L3MBTL3: variants seen among roughly 807,000 people sequenced by gnomAD.
L3MBTL3 encodes the protein L3MBTL histone methyl-lysine binding protein 3, also known as lethal(3)malignant brain tumor-like protein 3.
A neutral mutation model predicts 102.3 loss-of-function variants in L3MBTL3; 27 were observed. The observed-to-expected ratio is 0.26, with a 90% CI of 0.19 to 0.36. The LOEUF is 0.36. Ranked by LOEUF, L3MBTL3 falls within the 10% of genes least tolerant of loss-of-function variation. The probability of loss-of-function intolerance (pLI) is 1.00; values close to 1 mark genes in which losing one functional copy is unlikely to be tolerated. For missense variants in L3MBTL3, 798 were observed against 955.3 expected (o/e 0.84, Z 2.17); for synonymous variants, 340 against 320.9 (o/e 1.06, Z -0.64).
intron 10 of L3MBTL3, among the ~76,000 whole-genome samples, chr6:130,061,974 C>T (rs561265318): frequency 3.6e-4 from 55 of 152,158 alleles, no homozygotes; most frequent in Middle Eastern, 6.8e-3. Flanking sequence ...TTGTGTCTTG[C>T]GCCATGGCAA....
At chr6:130,060,715 T>G (rs1781837029) in intron 10 of L3MBTL3, among the ~76,000 whole-genome samples, 1 of 151,682 alleles carries the variant, frequency 6.6e-6, no homozygotes, top group South Asian at 2.1e-4. Context: ...TTTTTTTTTT[T>G]AGTATTTTAA....
chr6:130,071,057 A>G lies in L3MBTL3; in HGVS notation c.1174A>G (p.Thr392Ala), dbSNP rs1451764117. The stretch of plus-strand genomic sequence containing the variant: ...GAATCCCTCATTCATCTGTGTTGCT[A>G]CGGTAACAGATATGGTGGACAATCG... ...KKNPSFICVA[T>A]VTDMVDNRFL... Residue 392 changes from threonine to alanine, a missense_variant, in exon 13 of 23, where the codon ACG becomes GCG. Thr to Ala is a moderately conservative substitution (Grantham distance 58). Around this residue, in one of 4 missense-constraint regions of L3MBTL3, gnomAD observed 434 missense variants for 506.6 expected, o/e 0.86. Coordinates refer to ENST00000361794, the MANE Select transcript of L3MBTL3 (RefSeq NM_032438.4). The G allele has an allele frequency of 2.5e-6, 4 of 1,613,274 alleles. No individual in the cohort carries two copies. In the East Asian group the frequency reaches 6.7e-5, roughly 27 times the overall value.
At chr6:130,135,560 T>C (rs1787558665) in intron 22 of L3MBTL3, among the ~76,000 whole-genome samples, 1 of 152,244 alleles carries the variant, frequency 6.6e-6, no homozygotes, top group South Asian at 2.1e-4. Flanking sequence ...TGCTCTATTA[T>C]TCAGTTTGAG....
intron 10 of L3MBTL3, among the ~76,000 whole-genome samples, chr6:130,062,375 C>T (rs972586424): frequency 4.6e-5 from 7 of 151,276 alleles, no homozygotes; most frequent in East Asian, 1.9e-4. Context: ...AACACACGCG[C>T]GCACACACAC....
intron 3 of L3MBTL3, among the ~76,000 whole-genome samples, chr6:130,045,684 G>A (rs1238611703): frequency 6.6e-6 from 1 of 152,118 alleles, no homozygotes; most frequent in Non-Finnish European, 1.5e-5. Flanking sequence ...AAATTTTACA[G>A]GAATTTAGAG....
At chr6:130,025,310 G>A (rs897682098) in intron 2 of L3MBTL3, among the ~76,000 whole-genome samples, 3 of 152,254 alleles carry the variant, frequency 2.0e-5, no homozygotes, top group East Asian at 1.9e-4. Flanking sequence ...TTTCTAAAGG[G>A]CTTCATTATC....
intron 16 of L3MBTL3, among the ~76,000 whole-genome samples, chr6:130,092,333 T>C (rs1324728898): frequency 1.3e-5 from 2 of 152,080 alleles, no homozygotes; most frequent in Non-Finnish European, 2.9e-5. Context: ...TCCTTTCCTC[T>C]CCTTCCTCTC....
At chr6:130,045,042 G>C (rs886444370) in intron 3 of L3MBTL3, among the ~76,000 whole-genome samples, 1 of 152,122 alleles carries the variant, frequency 6.6e-6, no homozygotes, top group Non-Finnish European at 1.5e-5. Flanking sequence ...ACAGGTTTTT[G>C]TATGCCTCAA....
chr6:130,096,688 G>C (rs13211683), intron 18 of L3MBTL3, among the ~76,000 whole-genome samples: 40,821 of 152,020 alleles, frequency 0.27, 5,642 homozygotes, highest in Admixed American at 0.29. Flanking sequence ...ACCTCCGAGG[G>C]TTCCTCAGCT....
chr6:130,131,204 C>T (rs1247287293), intron 20 of L3MBTL3, among the ~76,000 whole-genome samples: 4 of 149,256 alleles, frequency 2.7e-5, no homozygotes, highest in Admixed American at 1.3e-4. Flanking sequence ...AGAAATAAGC[C>T]CTTTACAAAA....
intron 2 of L3MBTL3, among the ~76,000 whole-genome samples, chr6:130,023,477 G>T (rs1272753125): frequency 6.6e-6 from 1 of 152,160 alleles, no homozygotes; most frequent in Non-Finnish European, 1.5e-5. Context: ...CTGAGTTGAA[G>T]ACACTGCTTA....
At position 130,131,367 on chromosome 6, in the gene L3MBTL3, T is replaced by G. The variant is rs188463871; in HGVS notation, c.1967-2085T>G. Among the ~76,000 whole-genome samples, 174 of 152,282 alleles carry G rather than the reference T, an allele frequency of 1.1e-3. 1 individual carries two copies. Among genetic ancestry groups the G allele is most frequent in the African/African-American group, 3.8e-3 (158 of 41,564 alleles). ...AGCATTGGTGTGGAGGTGAAGCAATTGGAACTGTCATATGCTGTTGGTAGG... is the reference window on the plus strand; with the variant it reads ...AGCATTGGTGTGGAGGTGAAGCAATGGGAACTGTCATATGCTGTTGGTAGG... On this transcript the variant is annotated intron_variant, in intron 20 of 22. Transcript: ENST00000361794.
intron 2 of L3MBTL3, among the ~76,000 whole-genome samples, chr6:130,040,894 CTT>C (rs1780379450): frequency 6.6e-6 from 1 of 152,090 alleles, no homozygotes; most frequent in African/African-American, 2.4e-5. Context: ...CAATAATGGT[CTT>C]TAGTGAAATT....
chr6:130,129,004 A>G (rs1786823890), intron 20 of L3MBTL3, among the ~76,000 whole-genome samples: 1 of 152,126 alleles, frequency 6.6e-6, no homozygotes, highest in African/African-American at 2.4e-5. Flanking sequence ...ATTTGAGTAT[A>G]AAAGAGATCC....
intron 19 of L3MBTL3, among the ~76,000 whole-genome samples, chr6:130,108,296 G>A (rs920825633): frequency 5.8e-5 from 8 of 138,434 alleles, no homozygotes; most frequent in African/African-American, 1.8e-4. Flanking sequence ...GTGCAGTGGC[G>A]TGATCTTGGC....
intron 14 of L3MBTL3, among the ~76,000 whole-genome samples, chr6:130,079,391 A>G (rs979178663): frequency 6.6e-6 from 1 of 152,202 alleles, no homozygotes; most frequent in African/African-American, 2.4e-5. Context: ...AACGGGGAAC[A>G]GTGTAACTGC....
chr6:130,103,864 G>A (rs1189875027), intron 18 of L3MBTL3, among the ~76,000 whole-genome samples: 2 of 152,180 alleles, frequency 1.3e-5, no homozygotes, highest in Non-Finnish European at 2.9e-5. Context: ...TTCATCTTAT[G>A]AACAAGATTA....
intron 14 of L3MBTL3, among the ~76,000 whole-genome samples, chr6:130,078,898 A>C (rs1000440088): frequency 2.6e-5 from 4 of 152,148 alleles, no homozygotes; most frequent in Non-Finnish European, 5.9e-5. Flanking sequence ...TGTACTTTCA[A>C]CTATATTAAG....
intron 16 of L3MBTL3, among the ~76,000 whole-genome samples, chr6:130,088,044 G>T (rs533676886): frequency 6.6e-6 from 1 of 152,096 alleles, no homozygotes; most frequent in South Asian, 2.1e-4. Context: ...GGCCCAGAGA[G>T]GTCAAGTATG....
Sources: gnomAD v4.1 joint callset for allele counts (sites outside exome capture counted in the v4.1 genomes callset) on GRCh38, gnomAD v4.1.1 for gene constraint, gnomAD v4.1.1 regional missense constraint, MANE v1.5 for transcripts, NCBI Gene and HGNC (gene_info 2026-07-23, HGNC 2026-07-21) for gene names.